Variants in CA1 observed in about 807,000 individuals in gnomAD.
CA1 encodes the protein carbonate dehydratase I.
Under a neutral mutation model 28.8 loss-of-function variants are expected in CA1, and 27 were observed. The observed-to-expected ratio is 0.94, with a 90% confidence interval of 0.69 to 1.29. The LOEUF is 1.29. Ranked by LOEUF, CA1 falls within the 50% of genes most tolerant of loss-of-function variation. CA1 has a pLI of 0.00. For missense variants in CA1, 335 were observed against 310.5 expected, an observed-to-expected ratio of 1.08 and a Z score of -0.59; for synonymous variants, 121 against 108.8, an observed-to-expected ratio of 1.11 and a Z score of -0.70.
At chr8:85,375,456 C>T (rs1282608649) in intron 1 of CA1, among the ~76,000 whole-genome samples, 1 of 151,024 alleles carries the variant, frequency 6.6e-6, no homozygotes, top group Non-Finnish European at 1.5e-5. Flanking sequence ...TGCCATGTGC[C>T]ACCCACCCGC....
rs1004667496 is a variant in CA1 at position 85,355,693 on chromosome 8, G to A, written c.-24-14034C>T. On this transcript the variant is annotated intron_variant, in intron 1 of 7. Coordinates refer to ENST00000523022, the MANE Select transcript of CA1 (RefSeq NM_001128831.4). ...GGGCATTATAGGCATGAGCCACCGT[G>A]CCTGGCCCAGATTTAAATTTTTACT... Among the ~76,000 whole-genome samples the A allele has an allele frequency of 4.0e-5, 6 of 151,520 alleles. No individual in the cohort carries two copies. The South Asian group carries it at 6.3e-4, about 16-fold the overall frequency.
At chr8:85,340,056 C>A (rs1808852012) in intron 2 of CA1, among the ~76,000 whole-genome samples, 1 of 152,160 alleles carries the variant, frequency 6.6e-6, no homozygotes, top group Non-Finnish European at 1.5e-5. Flanking sequence ...CTAAGATAAC[C>A]AATGAAGGTG....
At chr8:85,355,226 A>G (rs560435046) in intron 1 of CA1, among the ~76,000 whole-genome samples, 35 of 152,188 alleles carry the variant, frequency 2.3e-4, no homozygotes, top group Non-Finnish European at 4.0e-4. Context: ...CTGCTGTGCG[A>G]GAAAAACTGT....
intron 2 of CA1, among the ~76,000 whole-genome samples, chr8:85,339,710 G>T (rs1455134543): frequency 2.6e-5 from 4 of 152,228 alleles, no homozygotes; most frequent in African/African-American, 9.6e-5. Flanking sequence ...AAAAGTTCTT[G>T]GAGAAAATTA....
chr8:85,340,114 T>C (rs948073107), intron 2 of CA1, among the ~76,000 whole-genome samples: 1 of 152,206 alleles, frequency 6.6e-6, no homozygotes, highest in Admixed American at 6.5e-5. Context: ...AGCCTTCTTT[T>C]GGAAGGAGAT....
At chr8:85,376,432 T>G (rs1260211766) in intron 1 of CA1, among the ~76,000 whole-genome samples, 1 of 151,616 alleles carries the variant, frequency 6.6e-6, no homozygotes, top group Non-Finnish European at 1.5e-5. Context: ...GAGGCCGAGG[T>G]AGGCGGATCA....
intron 1 of CA1, among the ~76,000 whole-genome samples, chr8:85,361,176 A>G (rs1445660698): frequency 1.3e-5 from 2 of 152,162 alleles, no homozygotes; most frequent in African/African-American, 4.8e-5. Context: ...TTCTGCTCAG[A>G]CACTCTCAAG....
intron 5 of CA1, 40 bp downstream of exon 5, chr8:85,333,485 A>C (rs535966347): frequency 8.3e-7 from 1 of 1,211,782 alleles, no homozygotes; most frequent in East Asian, 2.3e-5. Context: ...CTAATTGGTA[A>C]GACAGTGGAA....
chr8:85,355,776 G>C (rs1276485085), intron 1 of CA1, among the ~76,000 whole-genome samples: 1 of 151,464 alleles, frequency 6.6e-6, no homozygotes, highest in Non-Finnish European at 1.5e-5. Context: ...TATTTATTTT[G>C]TTTTAATGTA....
chr8:85,358,589 G>A (rs751456666), intron 1 of CA1, among the ~76,000 whole-genome samples: 14 of 152,174 alleles, frequency 9.2e-5, no homozygotes, highest in African/African-American at 1.2e-4. Context: ...AATAAAACAA[G>A]GCATTTGGGT....
chr8:85,332,490 C>G lies in CA1; in HGVS notation c.513G>C (p.Lys171Asn). 1.2e-6 allele frequency: 2 copies of G among 1,610,138 alleles called. No homozygotes were observed. The highest frequency in any genetic ancestry group is 1.7e-6 in the Non-Finnish European group (2 of 1,176,874). ...TAAACTACTTATTTAGTGTGTTTACCTTGGTTTTAATTGCTTGGAGGGCAT... is the reference window on the plus strand; with the variant it reads ...TAAACTACTTATTTAGTGTGTTTACGTTGGTTTTAATTGCTTGGAGGGCAT... ...VLDALQAIKT[K>N]GKRAPFTNFD... is the part of the protein sequence containing the mutation. Residue 171 changes from lysine (K) to asparagine (N), a missense_variant and splice_region_variant, in exon 6 of 8, where the codon AAG becomes AAC. Coordinates refer to ENST00000523022, the MANE Select transcript of CA1 (RefSeq NM_001128831.4).
chr8:85,333,681 A>C, intron 4 of CA1, 61 bp from the exon 5 acceptor site: 1 of 1,096,084 alleles, frequency 9.1e-7, no homozygotes, highest in Non-Finnish European at 1.4e-6. Flanking sequence ...AAGATAAGTT[A>C]TAAGTTAACT....
At chr8:85,371,094 G>A (rs1419280738) in intron 1 of CA1, among the ~76,000 whole-genome samples, 1 of 152,094 alleles carries the variant, frequency 6.6e-6, no homozygotes, top group East Asian at 1.9e-4. Context: ...TCTAACTTAT[G>A]TGCAGTTAGA....
At chr8:85,357,015 T>C (rs1016528862) in intron 1 of CA1, among the ~76,000 whole-genome samples, 2 of 152,184 alleles carry the variant, frequency 1.3e-5, no homozygotes, top group Non-Finnish European at 2.9e-5. Context: ...AAATATTATA[T>C]ATGAATGCCC....
chr8:85,375,569 T>C (rs941790832), intron 1 of CA1, among the ~76,000 whole-genome samples: 2 of 150,312 alleles, frequency 1.3e-5, no homozygotes, highest in Non-Finnish European at 3.0e-5. Flanking sequence ...AATGTTGGCA[T>C]GATAGAAACA....
At chr8:85,333,101 A>G (rs1035405285) in intron 5 of CA1, among the ~76,000 whole-genome samples, 1 of 152,124 alleles carries the variant, frequency 6.6e-6, no homozygotes, top group Non-Finnish European at 1.5e-5. Flanking sequence ...TTCTCTTACT[A>G]TTTCTTTCCT....
At chr8:85,330,388 G>A (rs1249315172) in intron 6 of CA1, among the ~76,000 whole-genome samples, 1 of 152,058 alleles carries the variant, frequency 6.6e-6, no homozygotes, top group Non-Finnish European at 1.5e-5. Flanking sequence ...GGATGTTAGT[G>A]ATGATATCAA....
At chr8:85,375,863 T>A (rs530082433) in intron 1 of CA1, among the ~76,000 whole-genome samples, 2 of 152,310 alleles carry the variant, frequency 1.3e-5, no homozygotes, top group East Asian at 1.9e-4. Context: ...GTAGATAGTG[T>A]TAATCACGTA....
intron 1 of CA1, among the ~76,000 whole-genome samples, chr8:85,372,716 TAAAC>T (rs1449642641): frequency 2.6e-5 from 4 of 152,168 alleles, no homozygotes; most frequent in African/African-American, 4.8e-5. Flanking sequence ...CTTCTAGAAA[TAAAC>T]AATACGTTTT....
Sources: allele counts gnomAD v4.1 joint callset (sites outside exome capture counted in the v4.1 genomes callset), GRCh38; gene constraint gnomAD v4.1.1; transcripts MANE v1.5; gene names NCBI Gene and HGNC (gene_info 2026-07-23, HGNC 2026-07-21).